STON2: variants seen among roughly 807,000 people sequenced by gnomAD.
STON2 encodes stonin 2.
A neutral mutation model predicts 65.7 loss-of-function variants in STON2; 29 were observed. The observed-to-expected ratio is 0.44, with a 90% CI of 0.33 to 0.60. The LOEUF (loss-of-function observed/expected upper bound fraction) is 0.60, where lower values mean the gene tolerates loss of function less well. Ranked by LOEUF, STON2 falls within the 20% of genes least tolerant of loss-of-function variation. The pLI is 0.03. For missense variants in STON2, 1,054 were observed against 1,118.1 expected, an observed-to-expected ratio of 0.94 and a Z score of 0.82; for synonymous variants, 404 against 414.2, an observed-to-expected ratio of 0.98 and a Z score of 0.30.
chr14:81,362,311 A>G (rs1178059212), intron 4 of STON2, among the ~76,000 whole-genome samples: 1 of 152,226 alleles, frequency 6.6e-6, no homozygotes, highest in East Asian at 1.9e-4. Context: ...CTTTAAAAAG[A>G]AAAATATTTG....
intron 4 of STON2, among the ~76,000 whole-genome samples, chr14:81,364,604 G>A (rs1257658389): frequency 6.6e-6 from 1 of 152,108 alleles, no homozygotes; most frequent in Non-Finnish European, 1.5e-5. Flanking sequence ...GTATATGTAT[G>A]TGTGTGTATA....
At chr14:81,317,440 G>A (rs964519370) in intron 5 of STON2, among the ~76,000 whole-genome samples, 16 of 152,192 alleles carry the variant, frequency 1.1e-4, no homozygotes, top group Non-Finnish European at 1.0e-4. Context: ...ATAAATTAGT[G>A]GCCTAAAATA....
intron 4 of STON2, among the ~76,000 whole-genome samples, chr14:81,368,980 C>T (rs1231001767): frequency 6.6e-6 from 1 of 152,152 alleles, no homozygotes; most frequent in East Asian, 1.9e-4. Context: ...CCTCTGTGGG[C>T]TGCTTCCCCA....
chr14:81,295,205 G>A (rs1389949690), intron 5 of STON2, among the ~76,000 whole-genome samples: 1 of 152,108 alleles, frequency 6.6e-6, no homozygotes, highest in Admixed American at 6.6e-5. Flanking sequence ...GGCACCTGTA[G>A]TCCCAGCTAC....
At chr14:81,379,933 T>C (rs1355579324) in intron 3 of STON2, among the ~76,000 whole-genome samples, 1 of 152,120 alleles carries the variant, frequency 6.6e-6, no homozygotes, top group Non-Finnish European at 1.5e-5. Flanking sequence ...ACATTGGCCC[T>C]AGCAAAAACT....
chr14:81,326,095 C>T lies in STON2; in HGVS notation c.572-1908G>A, dbSNP rs143958920. 7.3e-4 allele frequency among the ~76,000 whole-genome samples: 111 copies of T among 152,260 alleles called. 1 individual carries two copies. The highest frequency in any genetic ancestry group is 2.6e-3 in the African/African-American group (108 of 41,534). ...CGAGAGAGCAACCTCAGAGTATGCA[C>T]CCAGCACACAAGAACGGCAAAATAA... On this transcript the variant is annotated intron_variant, in intron 4 of 7. Coordinates refer to ENST00000614646, the MANE Select transcript of STON2 (RefSeq NM_001394390.1).
intron 5 of STON2, among the ~76,000 whole-genome samples, chr14:81,303,985 A>C (rs928584358): frequency 3.3e-5 from 5 of 152,142 alleles, no homozygotes; most frequent in Non-Finnish European, 7.4e-5. Flanking sequence ...GTGAATAATG[A>C]CTATCCTGAC....
At chr14:81,357,223 T>C (rs940641171) in intron 4 of STON2, among the ~76,000 whole-genome samples, 3 of 150,794 alleles carry the variant, frequency 2.0e-5, no homozygotes, top group Non-Finnish European at 3.0e-5. Context: ...AACAACCTCA[T>C]CAAAAAGTGG....
At chr14:81,279,579 G>A (rs923334609) in intron 5 of STON2, among the ~76,000 whole-genome samples, 11 of 152,052 alleles carry the variant, frequency 7.2e-5, no homozygotes, top group Admixed American at 2.6e-4. Flanking sequence ...TTATCCCAGC[G>A]GCTTGGGAGG....
intron 5 of STON2, among the ~76,000 whole-genome samples, chr14:81,323,341 C>T (rs1041694115): frequency 2.6e-5 from 4 of 152,164 alleles, no homozygotes; most frequent in Admixed American, 1.3e-4. Flanking sequence ...ATTTGCCTCC[C>T]GACCATTCTC....
At chr14:81,330,591 A>C (rs1467036559) in intron 4 of STON2, among the ~76,000 whole-genome samples, 1 of 152,260 alleles carries the variant, frequency 6.6e-6, no homozygotes, top group Non-Finnish European at 1.5e-5. Context: ...ATTGTTCAGC[A>C]AGGCACAGCT....
chr14:81,424,541 G>A (rs1162325665), intron 2 of STON2, among the ~76,000 whole-genome samples: 1 of 151,774 alleles, frequency 6.6e-6, no homozygotes, highest in African/African-American at 2.4e-5. Context: ...TATAATCACT[G>A]GAGTACTTCT....
chr14:81,346,409 T>C (rs1018952648), intron 4 of STON2, among the ~76,000 whole-genome samples: 5 of 152,094 alleles, frequency 3.3e-5, no homozygotes, highest in African/African-American at 9.7e-5. Flanking sequence ...CAAAGGACTT[T>C]GGGACCAGAG....
intron 5 of STON2, among the ~76,000 whole-genome samples, chr14:81,298,424 G>GA (rs33929804): frequency 0.36 from 51,901 of 145,204 alleles, 9,694 homozygotes; most frequent in East Asian, 0.62. Flanking sequence ...TGGGGGGGGG[G>GA]AATCACAGAA....
At chr14:81,383,155 T>G (rs1387429106) in intron 3 of STON2, among the ~76,000 whole-genome samples, 1 of 152,188 alleles carries the variant, frequency 6.6e-6, no homozygotes, top group Non-Finnish European at 1.5e-5. Flanking sequence ...AATATCTGCT[T>G]CTTCTCCTTT....
At chr14:81,369,562 A>T (rs1455924062) in intron 4 of STON2, among the ~76,000 whole-genome samples, 1 of 152,230 alleles carries the variant, frequency 6.6e-6, no homozygotes, top group Non-Finnish European at 1.5e-5. Context: ...TTCAACCCTG[A>T]TGGCCACTTA....
intron 5 of STON2, among the ~76,000 whole-genome samples, chr14:81,288,914 C>G (rs1595298439): frequency 6.6e-6 from 1 of 151,864 alleles, no homozygotes; most frequent in South Asian, 2.1e-4. Flanking sequence ...TGGAGGAGCA[C>G]TGGGTAAGTC....
At chr14:81,375,098 G>C (rs1168654101) in intron 3 of STON2, among the ~76,000 whole-genome samples, 1 of 151,900 alleles carries the variant, frequency 6.6e-6, no homozygotes, top group Admixed American at 6.6e-5. Flanking sequence ...TATGAAGTTA[G>C]AATTACATAC....
chr14:81,411,456 C>T (rs896366144), intron 2 of STON2, among the ~76,000 whole-genome samples: 5 of 152,232 alleles, frequency 3.3e-5, no homozygotes, highest in African/African-American at 1.2e-4. Flanking sequence ...CCTGTAATCC[C>T]AGCACTTTGG....
Sources: gnomAD v4.1 joint callset for allele counts (sites outside exome capture counted in the v4.1 genomes callset) on GRCh38, gnomAD v4.1.1 for gene constraint, MANE v1.5 for transcripts, NCBI Gene and HGNC (gene_info 2026-07-23, HGNC 2026-07-21) for gene names.